The following HS3ST3B1 variants were observed in gnomAD, a reference collection of about 807,000 sequenced individuals.
HS3ST3B1 encodes heparan sulfate-glucosamine 3-sulfotransferase 3B1, also known as heparan sulfate glucosamine 3-O-sulfotransferase 3B1.
A neutral mutation model predicts 21.3 loss-of-function variants in HS3ST3B1; 13 were observed. The ratio of observed to expected loss-of-function variants is 0.61; its 90% confidence interval spans 0.40 to 0.97. The LOEUF (loss-of-function observed/expected upper bound fraction) is 0.97, where lower values mean the gene tolerates loss of function less well. Ranked by LOEUF, HS3ST3B1 falls within the 50% of genes least tolerant of loss-of-function variation. The pLI, the probability that HS3ST3B1 is intolerant of heterozygous loss-of-function variation, is 0.00. For synonymous variants in HS3ST3B1, 234 were observed against 254.8 expected (o/e 0.92, Z 0.78); for missense variants, 459 against 554.8 (o/e 0.83, Z 1.73).
At chr17:14,315,846 G>A (rs567003954) in intron 1 of HS3ST3B1, among the ~76,000 whole-genome samples, 13 of 151,716 alleles carry the variant, frequency 8.6e-5, no homozygotes, top group African/African-American at 3.1e-4. Flanking sequence ...TTAATAGGTA[G>A]AGGGTAGAAA....
chr17:14,322,379 A>C (rs1185638656), intron 1 of HS3ST3B1, among the ~76,000 whole-genome samples: 1 of 152,160 alleles, frequency 6.6e-6, no homozygotes, highest in Non-Finnish European at 1.5e-5. Context: ...ACATTGAGCC[A>C]GTGAGATCCT....
intron 1 of HS3ST3B1, among the ~76,000 whole-genome samples, chr17:14,318,662 A>G (rs1235775604): frequency 6.6e-6 from 1 of 152,196 alleles, no homozygotes; most frequent in Non-Finnish European, 1.5e-5. Context: ...AGGTAGACTC[A>G]AGAGGGCACA....
At chr17:14,339,618 C>T (rs1229101965) in intron 1 of HS3ST3B1, among the ~76,000 whole-genome samples, 1 of 152,156 alleles carries the variant, frequency 6.6e-6, no homozygotes, top group South Asian at 2.1e-4. Context: ...TTGGAGATTA[C>T]AATAACTACC....
chr17:14,324,535 C>T (rs968061154), intron 1 of HS3ST3B1, among the ~76,000 whole-genome samples: 1 of 152,168 alleles, frequency 6.6e-6, no homozygotes, highest in Non-Finnish European at 1.5e-5. Flanking sequence ...TTAGAATTAG[C>T]TGCCCCTTCT....
At chr17:14,339,045 G>T (rs1910287798) in intron 1 of HS3ST3B1, among the ~76,000 whole-genome samples, 1 of 152,174 alleles carries the variant, frequency 6.6e-6, no homozygotes, top group Non-Finnish European at 1.5e-5. Context: ...TGTGAGCATT[G>T]TGTCTTCCTT....
chr17:14,302,010 C>A lies in HS3ST3B1; in HGVS notation c.492C>A (p.Arg164=), dbSNP rs996110571. The change falls in exon 1 of 2, where the codon CGC becomes CGA. Residue 164 remains arginine (R), a synonymous_variant. Transcript: ENST00000360954. ...TTCTGCGCGTGCACCCCGACGTGCG[C>A]GCCGTGGGCGCCGAGCCCCATTTCT... ...LEFLRVHPDV[R]AVGAEPHFFD... 17 of 1,608,508 alleles carry A rather than the reference C, an allele frequency of 1.1e-5. No homozygotes were observed. The African/African-American group carries it at 1.7e-4, about 16-fold the overall frequency.
intron 1 of HS3ST3B1, 120 bp from the exon 2 acceptor site, chr17:14,344,908 C>T: frequency 7.1e-7 from 1 of 1,401,648 alleles, no homozygotes; most frequent in South Asian, 1.5e-5. Context: ...TTGCATTTTA[C>T]ATGTTTCTAC....
intron 1 of HS3ST3B1, chr17:14,328,453 C>T (rs1179358840): frequency 6.6e-6 from 1 of 152,162 alleles, no homozygotes; most frequent in African/African-American, 2.4e-5. Context: ...CCAATAAATC[C>T]ACAAAAAGAA....
At chr17:14,329,361 GAAAGAAAAGGAAGGAA>G (rs781214273) in intron 1 of HS3ST3B1, 2 of 95,992 alleles carry the variant, frequency 2.1e-5, no homozygotes, top group African/African-American at 8.8e-5. Flanking sequence ...AAGAAAGAAA[GAAAGAAAAGGAAGGAA>G]GGAAGGAAGG....
intron 1 of HS3ST3B1, among the ~76,000 whole-genome samples, chr17:14,329,655 A>G (rs1909944118): frequency 6.6e-6 from 1 of 152,328 alleles, no homozygotes; most frequent in Admixed American, 6.5e-5. Flanking sequence ...CAGTGATGTC[A>G]ACCCCAGAAG....
chr17:14,319,372 A>C (rs1377270997), intron 1 of HS3ST3B1, among the ~76,000 whole-genome samples: 1 of 152,224 alleles, frequency 6.6e-6, no homozygotes, highest in African/African-American at 2.4e-5. Context: ...TCATTAGGGC[A>C]GTCCCTGAGG....
chr17:14,322,899 T>TA (rs1567639681), intron 1 of HS3ST3B1, among the ~76,000 whole-genome samples: 11 of 10,438 alleles, frequency 1.1e-3, no homozygotes, highest in Non-Finnish European at 3.2e-3. Context: ...TGTCTATGTC[T>TA]TTTTTTTTTT....
At chr17:14,330,062 T>G (rs779440523) in intron 1 of HS3ST3B1, among the ~76,000 whole-genome samples, 4 of 152,234 alleles carry the variant, frequency 2.6e-5, no homozygotes, top group Non-Finnish European at 5.9e-5. Context: ...GTTGTGCACT[T>G]GCCTGAGGCC....
intron 1 of HS3ST3B1, among the ~76,000 whole-genome samples, chr17:14,338,761 A>G (rs1440225911): frequency 6.6e-6 from 1 of 152,082 alleles, no homozygotes; most frequent in Non-Finnish European, 1.5e-5. Flanking sequence ...ACCTTTCTTG[A>G]AATATCCTTA....
At chr17:14,313,180 G>A (rs764563853) in intron 1 of HS3ST3B1, among the ~76,000 whole-genome samples, 29 of 135,560 alleles carry the variant, frequency 2.1e-4, no homozygotes, top group East Asian at 7.9e-4. Context: ...ATATTGGCCA[G>A]GCTGGTCTCG....
At chr17:14,327,738 T>G (rs1290014249) in intron 1 of HS3ST3B1, 1 of 152,244 alleles carries the variant, frequency 6.6e-6, no homozygotes, top group Non-Finnish European at 1.5e-5. Flanking sequence ...TTGATTCATT[T>G]TCTTTCATTC....
At chr17:14,312,714 TG>T (rs1323962746) in intron 1 of HS3ST3B1, among the ~76,000 whole-genome samples, 1 of 151,882 alleles carries the variant, frequency 6.6e-6, no homozygotes, top group Non-Finnish European at 1.5e-5. Flanking sequence ...CTCTCCCACC[TG>T]CCCTTTGTGC....
chr17:14,333,284 G>A (rs1233134407), intron 1 of HS3ST3B1, among the ~76,000 whole-genome samples: 1 of 151,954 alleles, frequency 6.6e-6, no homozygotes, highest in Admixed American at 6.6e-5. Context: ...TGGCCAATAT[G>A]GTGAAACCCC....
At chr17:14,313,914 A>T (rs1340189229) in intron 1 of HS3ST3B1, among the ~76,000 whole-genome samples, 1 of 151,720 alleles carries the variant, frequency 6.6e-6, no homozygotes, top group Non-Finnish European at 1.5e-5. Context: ...TCTTTTCAGT[A>T]TTATTTGAAA....
Sources: gnomAD v4.1 joint callset for allele counts (sites outside exome capture counted in the v4.1 genomes callset) on GRCh38, gnomAD v4.1.1 for gene constraint, MANE v1.5 for transcripts, NCBI Gene and HGNC (gene_info 2026-07-23, HGNC 2026-07-21) for gene names.